EAF1: variants seen among roughly 807,000 people sequenced by gnomAD.
EAF1 encodes the protein ELL-associated factor 1.
Under a neutral mutation model 26.6 loss-of-function variants are expected in EAF1, and 19 were observed. The observed-to-expected ratio is 0.71, with a 90% confidence interval of 0.50 to 1.05. The LOEUF (loss-of-function observed/expected upper bound fraction) is 1.05. Ranked by LOEUF, EAF1 falls within the 50% of genes least tolerant of loss-of-function variation. The pLI, the probability that EAF1 is intolerant of heterozygous loss-of-function variation, is 0.00. For missense variants in EAF1, 260 were observed against 335.5 expected (o/e 0.78, Z 1.76); for synonymous variants, 102 against 120.6 (o/e 0.85, Z 1.01).
At chr3:15,428,400 T>C (rs976146322) in intron 1 of EAF1, among the ~76,000 whole-genome samples, 26 of 152,268 alleles carry the variant, frequency 1.7e-4, no homozygotes, top group Admixed American at 1.0e-3. Context: ...CTGTGCTTTG[T>C]CCCCTCTACA....
chr3:15,436,513 G>T lies in EAF1; in HGVS notation c.698G>T (p.Arg233Met), dbSNP rs149438944. The change falls in exon 5 of 6, where the codon AGG becomes ATG. Residue 233 changes from arginine to methionine, a missense_variant. Arg to Met is a moderately conservative substitution (Grantham distance 91). Coordinates refer to ENST00000396842, the MANE Select transcript of EAF1 (RefSeq NM_033083.7). ...TCACACCAGCAGCCCTACAACAGTA[G>T]GCCTGCCGTTGCCAATGGAACCAGC... is the stretch of plus-strand genomic sequence containing the variant. ...QPSHQQPYNSRPAVANGTSRP... is the reference protein window; with the variant it reads ...QPSHQQPYNSMPAVANGTSRP... The T allele has an allele frequency of 1.3e-4, 215 of 1,597,422 alleles. No homozygotes were observed. The highest frequency in any genetic ancestry group is 1.8e-4 in the Non-Finnish European group (205 of 1,165,992).
In EAF1 at chr3:15,440,354, G is replaced by C. The variant is rs913440333; in HGVS notation, c.*1199G>C. On this transcript the variant is annotated 3_prime_UTR_variant, in exon 6 of 6. Transcript: ENST00000396842. ...TGTGCCATTTCCAAATGGATCTGTT[G>C]TTGGAGGAAACTGGTTGCTAGTCAA... is the stretch of plus-strand genomic sequence containing the variant. 1 of 152,192 alleles carries C rather than the reference G, an allele frequency of 6.6e-6. No homozygotes were observed. The highest frequency in any genetic ancestry group is 1.5e-5 in the Non-Finnish European group (1 of 68,040). 9.4% of individuals were successfully genotyped at this position (152,192 alleles called of 1,614,324 possible).
Position 15,440,895 on chromosome 3 carries a change from G to A in EAF1, c.*1740G>A, listed in dbSNP as rs1337357030. ...AGGTCATGATCAGGAGACTTGAATT[G>A]TTACTGGATGTAGGAATTGTTTCAC... On this transcript the variant is annotated 3_prime_UTR_variant, in exon 6 of 6. Coordinates refer to ENST00000396842, the MANE Select transcript of EAF1 (RefSeq NM_033083.7). 6.6e-6 allele frequency: 1 copy of A among 152,618 alleles called. No homozygotes were observed. Among genetic ancestry groups the A allele is most frequent in the South Asian group, 2.1e-4 (1 of 4,826 alleles). The allele number at this position is 152,618 out of a possible 1,614,324, so 9.5% of individuals were successfully genotyped here. A position where few individuals can be genotyped will look rare whatever the true frequency, so the allele number is the denominator to read the frequency against.
At chr3:15,429,451 T>A (rs1399763891) in intron 1 of EAF1, among the ~76,000 whole-genome samples, 1 of 152,190 alleles carries the variant, frequency 6.6e-6, no homozygotes, top group Non-Finnish European at 1.5e-5. Flanking sequence ...CCTTTCATAT[T>A]TCATATAGAG....
Position 15,434,357 on chromosome 3 carries a change from C to T in EAF1, c.345C>T (p.Gly115=), listed in dbSNP as rs199657510. 1 of 1,614,108 alleles carries T rather than the reference C, an allele frequency of 6.2e-7. No individual in the cohort carries two copies. Among genetic ancestry groups the T allele is most frequent in the Admixed American group, 1.7e-5 (1 of 60,022 alleles). The change falls in exon 4 of 6, where the codon GGC becomes GGT. Residue 115 remains glycine, a synonymous_variant. Transcript: ENST00000396842. ...CTGTATCTCCTTTCAGAGCTGAGGG[C>T]AGCAGTAAAATCCAGGCCCGAATGG... is the stretch of plus-strand genomic sequence containing the variant. ...SIQVKKTRAE[G]SSKIQARMEQ...
In EAF1 at chr3:15,430,900, G is replaced by A. The variant is rs148965937; in HGVS notation, c.198+893G>A. ...AGTTCTCGGTAGCTGGAGACAGAAT[G>A]AAAAGTCTCTGGACAGGGAGATCTG... On this transcript the variant is annotated intron_variant, in intron 2 of 5. Transcript: ENST00000396842. 7.3e-3 allele frequency among the ~76,000 whole-genome samples: 1,110 copies of A among 152,300 alleles called. 16 individuals are homozygous for A. Among genetic ancestry groups the A allele is most frequent in the African/African-American group, 0.025 (1,045 of 41,560 alleles).
At chr3:15,431,823 CTT>C (rs1330403085) in intron 2 of EAF1, among the ~76,000 whole-genome samples, 1 of 152,158 alleles carries the variant, frequency 6.6e-6, no homozygotes, top group Non-Finnish European at 1.5e-5. Flanking sequence ...ATTTTTCTCT[CTT>C]GGAACGTATA....
chr3:15,435,715 A>G (rs2061830551), intron 4 of EAF1, among the ~76,000 whole-genome samples: 1 of 152,216 alleles, frequency 6.6e-6, no homozygotes, highest in African/African-American at 2.4e-5. Context: ...TGTCAGTCAA[A>G]TATGTAAAGA....
chr3:15,434,818 T>C (rs910588565), intron 4 of EAF1, among the ~76,000 whole-genome samples: 6 of 152,200 alleles, frequency 3.9e-5, no homozygotes, highest in African/African-American at 1.2e-4. Flanking sequence ...GACTTCCATC[T>C]AAGCTCCATA....
chr3:15,439,027 C>CA, intron 5 of EAF1, 82 bp from the exon 6 acceptor site: 1 of 1,399,888 alleles, frequency 7.1e-7, no homozygotes, highest in Admixed American at 2.1e-5. Flanking sequence ...AGGCAATTAA[C>CA]AAAAAATTAT....
chr3:15,429,410 G>A (rs970739862), intron 1 of EAF1, among the ~76,000 whole-genome samples: 3 of 151,950 alleles, frequency 2.0e-5, no homozygotes, highest in Non-Finnish European at 2.9e-5. Context: ...GTTTCTATGC[G>A]GAATGAAATC....
rs1208895608 is a variant in EAF1, at chr3:15,440,823, A to G, written c.*1668A>G. The G allele has an allele frequency of 6.6e-6, 1 of 152,600 alleles. No individual in the cohort carries two copies. The highest frequency in any genetic ancestry group is 1.9e-4 in the East Asian group (1 of 5,200). The allele number at this position is 152,600 out of a possible 1,614,324, so 9.5% of individuals were successfully genotyped here. The stretch of plus-strand genomic sequence containing the variant: ...GGAACTTATTTATAGTGGATTGATA[A>G]TTGCTTTATAATTCCTTGGTAATGA... On this transcript the variant is annotated 3_prime_UTR_variant, in exon 6 of 6. Coordinates refer to ENST00000396842, the MANE Select transcript of EAF1 (RefSeq NM_033083.7).
chr3:15,427,843 T>C lies in EAF1; in HGVS notation c.64T>C (p.Phe22Leu), dbSNP rs1373507790. 1 of 1,550,768 alleles carries C rather than the reference T, an allele frequency of 6.4e-7. No homozygotes were observed. The highest frequency in any genetic ancestry group is 8.7e-7 in the Non-Finnish European group (1 of 1,146,654). Residue 22 changes from phenylalanine to leucine, a missense_variant, in exon 1 of 6, where the codon TTC becomes CTC. Phe to Leu is a conservative substitution (Grantham distance 22). Coordinates refer to ENST00000396842, the MANE Select transcript of EAF1 (RefSeq NM_033083.7). Reference protein sequence around the residue: ...EEHCLRLGESFEKRPRASFHT... With the variant: ...EEHCLRLGESLEKRPRASFHT... Reference sequence around the variant, plus strand: ...ACATTGCCTGAGGCTCGGGGAGAGCTTCGAGAAGCGGCCGCGGGCCTCCTT... The same window carrying C: ...ACATTGCCTGAGGCTCGGGGAGAGCCTCGAGAAGCGGCCGCGGGCCTCCTT...
rs931800620 is a variant in EAF1, at chr3:15,427,703, C to G, written c.-77C>G. The stretch of plus-strand genomic sequence containing the variant: ...CGGTGGCCCGGAAGCACAGTCCTCC[C>G]AGACGCCAGCGCCAGAAGCTCGGAT... On this transcript the variant is annotated 5_prime_UTR_variant, in exon 1 of 6. Transcript: ENST00000396842. The G allele has an allele frequency of 2.1e-6, 3 of 1,456,606 alleles. No individual in the cohort carries two copies. Among genetic ancestry groups the G allele is most frequent in the Non-Finnish European group, 1.9e-6 (2 of 1,064,384 alleles). 90.2% of individuals were successfully genotyped at this position (1,456,606 alleles called of 1,614,324 possible). A position where few individuals can be genotyped will look rare whatever the true frequency, so the allele number is the denominator to read the frequency against.
In EAF1 at chr3:15,434,388, C is replaced by T; in HGVS notation, c.376C>T (p.Gln126Ter). ...SSKIQARMEQQPTRPPQTSQP... is the reference protein window; with the variant it reads ...SSKIQARMEQ ...TAAAATCCAGGCCCGAATGGAACAG[C>T]AGCCCACTCGTCCTCCACAGACGTC... The change falls in exon 4 of 6, where the codon CAG becomes TAG. Residue 126 changes from glutamine to a stop codon, truncating the protein, a stop_gained. Transcript: ENST00000396842. LOFTEE classifies it high-confidence loss of function. 6.2e-7 allele frequency: 1 copy of T among 1,614,220 alleles called. No individual in the cohort carries two copies. The highest frequency in any genetic ancestry group is 8.5e-7 in the Non-Finnish European group (1 of 1,180,038).
intron 1 of EAF1, among the ~76,000 whole-genome samples, 169 bp from the exon 2 acceptor site, chr3:15,429,744 A>G (rs994098838): frequency 6.6e-6 from 1 of 152,210 alleles, no homozygotes; most frequent in Non-Finnish European, 1.5e-5. Context: ...GATTCTCTCT[A>G]CTTTTGTGTA....
intron 1 of EAF1, 134 bp from the exon 2 acceptor site, chr3:15,429,779 G>GT (rs946565697): frequency 2.2e-5 from 15 of 669,178 alleles, no homozygotes; most frequent in Non-Finnish European, 3.9e-5. Flanking sequence ...TAACGAAACA[G>GT]TTTTTTAAGA....
rs529075209 is a variant in EAF1, at chr3:15,430,907, C to T, written c.198+900C>T. Among the ~76,000 whole-genome samples, 3 of 152,288 alleles carry T rather than the reference C, an allele frequency of 2.0e-5. No individual in the cohort carries two copies. The South Asian group carries it at 6.2e-4, about 32-fold the overall frequency. ...GGTAGCTGGAGACAGAATGAAAAGT[C>T]TCTGGACAGGGAGATCTGGAAAGCT... On this transcript the variant is annotated intron_variant, in intron 2 of 5. Coordinates refer to ENST00000396842, the MANE Select transcript of EAF1 (RefSeq NM_033083.7).
In EAF1 at chr3:15,436,508, C is replaced by T; in HGVS notation, c.693C>T (p.Asn231=). 3 of 1,600,628 alleles carry T rather than the reference C, an allele frequency of 1.9e-6. No individual in the cohort carries two copies. The highest frequency in any genetic ancestry group is 2.6e-6 in the Non-Finnish European group (3 of 1,168,616). ...AGCCTTCACACCAGCAGCCCTACAA[C>T]AGTAGGCCTGCCGTTGCCAATGGAA... ...PPQPSHQQPY[N]SRPAVANGTS... is the part of the protein sequence containing the mutation. Residue 231 remains asparagine, a synonymous_variant, in exon 5 of 6, where the codon AAC becomes AAT. Coordinates refer to ENST00000396842, the MANE Select transcript of EAF1 (RefSeq NM_033083.7).
Sources: allele counts gnomAD v4.1 joint callset (sites outside exome capture counted in the v4.1 genomes callset), GRCh38; gene constraint gnomAD v4.1.1; transcripts MANE v1.5; gene names NCBI Gene and HGNC (gene_info 2026-07-23, HGNC 2026-07-21).